Variants in ACSBG1 observed in about 807,000 individuals in gnomAD.
ACSBG1 encodes the protein long-chain-fatty-acid--CoA ligase ACSBG1.
A neutral mutation model predicts 80.2 loss-of-function variants in ACSBG1; 39 were observed. The observed-to-expected ratio is 0.49, with a 90% confidence interval of 0.38 to 0.64. The LOEUF is 0.64. ACSBG1 is among the 30% of genes least tolerant of loss of function. The pLI, the probability that ACSBG1 is intolerant of heterozygous loss-of-function variation, is 0.00. For missense variants in ACSBG1, 828 were observed against 966.4 expected (o/e 0.86, Z 1.90); for synonymous variants, 392 against 379.5 (o/e 1.03, Z -0.38).
rs568692197 is a variant in ACSBG1 at position 78,193,567 on chromosome 15, T to C, written c.602A>G (p.Tyr201Cys). Reference sequence around the variant, plus strand: ...CATGATGACATTGGCGCAGCAGTCATAAGCGATGTACTGGCAGGCCTCTGG... The same window carrying C: ...CATGATGACATTGGCGCAGCAGTCACAAGCGATGTACTGGCAGGCCTCTGG... ...SSPEACQYIA[Y>C]DCCANVIMVD... is the part of the protein sequence containing the mutation. Residue 201 changes from tyrosine to cysteine, a missense_variant, in exon 5 of 14, where the codon TAT becomes TGT. Transcript: ENST00000258873. The C allele has an allele frequency of 6.2e-7, 1 of 1,613,816 alleles. No homozygotes were observed. The highest frequency in any genetic ancestry group is 1.1e-5 in the South Asian group (1 of 91,048).
chr15:78,194,776 T>C, intron 2 of ACSBG1, 50 bp from the exon 3 acceptor site: 1 of 1,577,642 alleles, frequency 6.3e-7, no homozygotes, highest in Non-Finnish European at 8.6e-7. Context: ...CTGGGGACAC[T>C]TGTCCTGCCC....
chr15:78,202,587 C>T (rs2075178976), intron 2 of ACSBG1, among the ~76,000 whole-genome samples: 1 of 152,170 alleles, frequency 6.6e-6, no homozygotes, highest in Non-Finnish European at 1.5e-5. Context: ...GCCATCTGAA[C>T]TCATCTCCTA....
chr15:78,206,606 C>A (rs889237222), intron 2 of ACSBG1, among the ~76,000 whole-genome samples: 1 of 152,168 alleles, frequency 6.6e-6, no homozygotes, highest in African/African-American at 2.4e-5. Context: ...CCCTGCCTCG[C>A]CATTAAACTC....
chr15:78,188,311 T>C (rs1031389632), intron 5 of ACSBG1, among the ~76,000 whole-genome samples: 28 of 152,092 alleles, frequency 1.8e-4, no homozygotes, highest in Non-Finnish European at 3.5e-4. Context: ...CTTCACAGAA[T>C]TGGAAAAAAC....
At chr15:78,196,117 C>T (rs1253161997) in intron 2 of ACSBG1, among the ~76,000 whole-genome samples, 2 of 152,170 alleles carry the variant, frequency 1.3e-5, no homozygotes. Context: ...CAGAGAGGTG[C>T]TTGGCACCTC....
At chr15:78,185,737 G>GA (rs2074996871) in intron 5 of ACSBG1, among the ~76,000 whole-genome samples, 1 of 151,076 alleles carries the variant, frequency 6.6e-6, no homozygotes, top group South Asian at 2.1e-4. Context: ...AGCAAAAAAG[G>GA]AAAAAAATCT....
Position 78,167,777 on chromosome 15 carries a change from G to A in ACSBG1, c.*3667C>T, listed in dbSNP as rs1295852939. The stretch of plus-strand genomic sequence containing the variant: ...CATACAGTATTTGTCCTTTGAGTCT[G>A]GCTTATTTCACTTAGCGTAATATCT... On this transcript the variant is annotated 3_prime_UTR_variant, in exon 14 of 14. Coordinates refer to ENST00000258873, the MANE Select transcript of ACSBG1 (RefSeq NM_015162.5). 1 of 152,070 alleles carries A rather than the reference G, an allele frequency of 6.6e-6. No homozygotes were observed. Among genetic ancestry groups the A allele is most frequent in the Non-Finnish European group, 1.5e-5 (1 of 68,030 alleles). 9.4% of individuals were successfully genotyped at this position (152,070 alleles called of 1,614,324 possible). A position where few individuals can be genotyped will look rare whatever the true frequency, so the allele number is the denominator to read the frequency against.
chr15:78,208,848 C>A (rs757188272), intron 1 of ACSBG1, among the ~76,000 whole-genome samples: 2 of 152,204 alleles, frequency 1.3e-5, no homozygotes, highest in Non-Finnish European at 2.9e-5. Context: ...AGCCTGACTG[C>A]CCTTCAGCAC....
chr15:78,181,497 T>C (rs929892024), intron 8 of ACSBG1, among the ~76,000 whole-genome samples: 13 of 142,768 alleles, frequency 9.1e-5, no homozygotes, highest in African/African-American at 1.6e-4. Context: ...TTCTTTTTTT[T>C]TTTTTTTTTT....
rs375037443 is a variant in ACSBG1 at position 78,174,469 on chromosome 15, G to A, written c.1758C>T (p.Ala586=). ...TGATGATGGGCAGCTCCATCTTCAC[G>A]GCCTCCTCGATGGGCACAGGGGGCA... is the stretch of plus-strand genomic sequence containing the variant. ...ENVPPVPIEE[A]VKMELPIISN... is the part of the protein sequence containing the mutation. Residue 586 remains alanine, a synonymous_variant, in exon 12 of 14, where the codon GCC becomes GCT. Transcript: ENST00000258873. 1.7e-5 allele frequency: 27 copies of A among 1,614,006 alleles called. No homozygotes were observed. In the East Asian group the frequency reaches 2.4e-4, roughly 15 times the overall value.
At chr15:78,202,399 C>CG (rs1430599584) in intron 2 of ACSBG1, among the ~76,000 whole-genome samples, 1 of 151,988 alleles carries the variant, frequency 6.6e-6, no homozygotes, top group African/African-American at 2.4e-5. Flanking sequence ...TTAGTAGAGA[C>CG]GGGGTATCAC....
In ACSBG1 at chr15:78,204,957, C is replaced by A. The variant is rs1306939649; in HGVS notation, c.232+3045G>T. On this transcript the variant is annotated intron_variant, in intron 2 of 13. Transcript: ENST00000258873. ...ACTGGAGACAAGTGGGGCTGAGCACCTAGCTTCCCAATTGCAAAAGCTCCT... is the reference window on the plus strand; with the variant it reads ...ACTGGAGACAAGTGGGGCTGAGCACATAGCTTCCCAATTGCAAAAGCTCCT... 2.0e-5 allele frequency among the ~76,000 whole-genome samples: 3 copies of A among 152,164 alleles called. No homozygotes were observed. In the East Asian group the frequency reaches 5.8e-4, roughly 29 times the overall value.
intron 1 of ACSBG1, among the ~76,000 whole-genome samples, chr15:78,217,566 ATT>A (rs11302425): frequency 0.03 from 4,210 of 139,018 alleles, 113 homozygotes; most frequent in East Asian, 0.11. Context: ...TTTTGGAAAA[ATT>A]TTTTTTTTTT....
chr15:78,202,977 C>T (rs771855081), intron 2 of ACSBG1, among the ~76,000 whole-genome samples: 23 of 152,006 alleles, frequency 1.5e-4, no homozygotes, highest in Non-Finnish European at 2.8e-4. Flanking sequence ...CCCATGCAGC[C>T]ATTAAAATAA....
At chr15:78,226,781 G>GAAA (rs200496676) in intron 1 of ACSBG1, among the ~76,000 whole-genome samples, 2 of 43,994 alleles carry the variant, frequency 4.5e-5, no homozygotes, top group African/African-American at 1.1e-4. Flanking sequence ...AGAACACATA[G>GAAA]AAAAATATAT....
chr15:78,207,972 G>A, intron 2 of ACSBG1, 30 bp downstream of exon 2: 1 of 771,030 alleles, frequency 1.3e-6, no homozygotes, highest in Non-Finnish European at 2.1e-6. Context: ...TTCCCGCCCT[G>A]CCCCACCCTA....
At chr15:78,229,761 T>G (rs1029844149) in intron 1 of ACSBG1, among the ~76,000 whole-genome samples, 1 of 152,142 alleles carries the variant, frequency 6.6e-6, no homozygotes, top group Non-Finnish European at 1.5e-5. Flanking sequence ...TCACTGCTGC[T>G]AGATTCACAA....
In ACSBG1 at chr15:78,173,626, C is replaced by G; in HGVS notation, c.2056G>C (p.Glu686Gln). ...PYHIQKWAIL[E>Q]RDFSISGGEL... The stretch of plus-strand genomic sequence containing the variant: ...CCACCCGAAATGGAGAAGTCTCTCT[C>G]GAGAATGGCCCACTTCTGGATGTGG... The change falls in exon 13 of 14, where the codon GAG (glutamate) becomes CAG (glutamine). Residue 686 changes from glutamate to glutamine, a missense_variant. By Grantham distance (29) the Glu-to-Gln change is conservative (BLOSUM62 2). Around this residue, in one of 3 missense-constraint regions of ACSBG1, gnomAD observed 201 missense variants for 227.0 expected, o/e 0.89. Transcript: ENST00000258873. 2 of 1,614,194 alleles carry G rather than the reference C, an allele frequency of 1.2e-6. No individual in the cohort carries two copies. Among genetic ancestry groups the G allele is most frequent in the Non-Finnish European group, 1.7e-6 (2 of 1,180,036 alleles).
At chr15:78,202,412 T>C (rs1253437962) in intron 2 of ACSBG1, among the ~76,000 whole-genome samples, 1 of 152,114 alleles carries the variant, frequency 6.6e-6, no homozygotes, top group Non-Finnish European at 1.5e-5. Flanking sequence ...GGTATCACTA[T>C]GTTGGCCAGG....
Sources: allele counts gnomAD v4.1 joint callset (sites outside exome capture counted in the v4.1 genomes callset), GRCh38; gene constraint gnomAD v4.1.1; regional missense constraint gnomAD v4.1.1; transcripts MANE v1.5; gene names NCBI Gene and HGNC (gene_info 2026-07-23, HGNC 2026-07-21).